The following BEND6 variants were observed in gnomAD, a reference collection of about 807,000 sequenced individuals.
BEND6 encodes BEN domain containing 6.
A neutral mutation model predicts 31.8 loss-of-function variants in BEND6; 24 were observed. That is an observed-to-expected ratio of 0.75 (90% CI 0.55 to 1.06). The LOEUF (loss-of-function observed/expected upper bound fraction) is 1.06. Ranked by LOEUF, BEND6 falls within the 50% of genes least tolerant of loss-of-function variation. BEND6 has a pLI of 0.00. For missense variants in BEND6, 294 were observed against 327.4 expected, an observed-to-expected ratio of 0.90 and a Z score of 0.79; for synonymous variants, 109 against 114.6, an observed-to-expected ratio of 0.95 and a Z score of 0.31.
chr6:56,965,962 G>A (rs1825464391), intron 1 of BEND6, among the ~76,000 whole-genome samples: 1 of 152,062 alleles, frequency 6.6e-6, no homozygotes, highest in South Asian at 2.1e-4. Context: ...CTTTCAAGAT[G>A]AATAGAAAGT....
At chr6:56,970,424 C>G (rs1562536958) in intron 1 of BEND6, among the ~76,000 whole-genome samples, 1 of 152,156 alleles carries the variant, frequency 6.6e-6, no homozygotes, top group Non-Finnish European at 1.5e-5. Flanking sequence ...ATCTGCCAAC[C>G]TTGGCCTCCC....
intron 1 of BEND6, among the ~76,000 whole-genome samples, chr6:56,959,154 T>G (rs970483450): frequency 1.3e-5 from 2 of 152,118 alleles, no homozygotes; most frequent in African/African-American, 4.8e-5. Flanking sequence ...ATTTAGCAAT[T>G]TTGAGTCCCC....
intron 1 of BEND6, among the ~76,000 whole-genome samples, chr6:56,974,798 C>T (rs898490007): frequency 1.1e-4 from 16 of 152,164 alleles, no homozygotes; most frequent in African/African-American, 3.6e-4. Context: ...ATACATATCT[C>T]AAGTAATCTA....
At chr6:57,003,708 C>T (rs753005019) in intron 3 of BEND6, among the ~76,000 whole-genome samples, 2 of 152,186 alleles carry the variant, frequency 1.3e-5, no homozygotes, top group Non-Finnish European at 2.9e-5. Context: ...GATACCAAAA[C>T]TTTGCAAAGA....
chr6:56,996,043 T>C (rs1191310417), intron 3 of BEND6, among the ~76,000 whole-genome samples: 1 of 152,230 alleles, frequency 6.6e-6, no homozygotes. Context: ...AGCTGATTCA[T>C]TGTCTCATCC....
chr6:57,020,831 T>C (rs536771226), intron 6 of BEND6, among the ~76,000 whole-genome samples: 5 of 141,716 alleles, frequency 3.5e-5, no homozygotes, highest in Non-Finnish European at 7.6e-5. Context: ...TCCTAAACTC[T>C]TGTTTTTTTT....
chr6:57,020,276 T>C (rs559300263), intron 6 of BEND6, among the ~76,000 whole-genome samples: 1 of 148,646 alleles, frequency 6.7e-6, no homozygotes, highest in Admixed American at 6.6e-5. Flanking sequence ...CCAAGTTCTC[T>C]ATTTTTTTTT....
intron 2 of BEND6, among the ~76,000 whole-genome samples, chr6:56,989,649 G>T (rs1034568198): frequency 2.0e-5 from 3 of 152,128 alleles, no homozygotes; most frequent in African/African-American, 7.2e-5. Flanking sequence ...TGCCCCAAAT[G>T]ATGTCTTTTT....
At chr6:56,991,426 G>A (rs541033389) in intron 2 of BEND6, among the ~76,000 whole-genome samples, 1 of 151,974 alleles carries the variant, frequency 6.6e-6, no homozygotes, top group African/African-American at 2.4e-5. Flanking sequence ...CCAGGGTGGA[G>A]CGCAGTGGTA....
chr6:56,995,428 C>T (rs779789028), intron 3 of BEND6, among the ~76,000 whole-genome samples: 8 of 152,134 alleles, frequency 5.3e-5, no homozygotes, highest in Non-Finnish European at 8.8e-5. Flanking sequence ...CAGTCATCTC[C>T]ATGTATTAGC....
rs1826082132 is a variant in BEND6 at position 56,981,833 on chromosome 6, A to G, written c.23A>G (p.Asp8Gly). Residue 8 changes from aspartate (D) to glycine (G), a missense_variant, in exon 2 of 7, where the codon GAT (aspartate) becomes GGT (glycine). Asp to Gly is a moderately conservative substitution (Grantham distance 94). Coordinates refer to ENST00000370746, the MANE Select transcript of BEND6 (RefSeq NM_152731.3). MQKIVQT[D>G]EITNTQAFRK... ...AAAATGCAGAAGATCGTGCAGACAG[A>G]TGAAATTACCAATACACAAGCTTTT... is the stretch of plus-strand genomic sequence containing the variant. 1 of 1,612,694 alleles carries G rather than the reference A, an allele frequency of 6.2e-7. No individual in the cohort carries two copies. The highest frequency in any genetic ancestry group is 1.3e-5 in the African/African-American group (1 of 74,858).
At chr6:57,004,658 T>A in intron 3 of BEND6, 1 of 1,328,902 alleles carries the variant, frequency 7.5e-7, no homozygotes, top group Non-Finnish European at 1.1e-6. Context: ...GAGTGGGCAT[T>A]ACATTTGGAA....
chr6:57,011,485 C>G (rs1158072778), intron 3 of BEND6, among the ~76,000 whole-genome samples: 2 of 151,690 alleles, frequency 1.3e-5, no homozygotes, highest in Non-Finnish European at 2.9e-5. Context: ...AATCCCAGCG[C>G]TTTGGGAGGA....
At chr6:56,981,232 C>A (rs1826055550) in intron 1 of BEND6, among the ~76,000 whole-genome samples, 2 of 152,124 alleles carry the variant, frequency 1.3e-5, no homozygotes, top group Non-Finnish European at 2.9e-5. Context: ...CAAGGAAAAT[C>A]TTGCATTTCA....
chr6:56,986,851 T>C (rs562849441), intron 2 of BEND6, among the ~76,000 whole-genome samples: 2 of 152,224 alleles, frequency 1.3e-5, no homozygotes, highest in South Asian at 4.1e-4. Flanking sequence ...TACAGGTCCA[T>C]TGGGGATTCT....
At chr6:56,981,419 A>C (rs1471102149) in intron 1 of BEND6, among the ~76,000 whole-genome samples, 2 of 152,194 alleles carry the variant, frequency 1.3e-5, no homozygotes, top group Non-Finnish European at 2.9e-5. Flanking sequence ...CTAGTTTCGT[A>C]GACTCCTCAT....
intron 1 of BEND6, among the ~76,000 whole-genome samples, chr6:56,959,958 T>C (rs1459163937): frequency 6.6e-6 from 1 of 152,184 alleles, no homozygotes; most frequent in Non-Finnish European, 1.5e-5. Flanking sequence ...TTTGGGTGTG[T>C]GAGCATTACA....
chr6:56,979,957 A>G (rs1401059268), intron 1 of BEND6, among the ~76,000 whole-genome samples: 1 of 152,190 alleles, frequency 6.6e-6, no homozygotes, highest in African/African-American at 2.4e-5. Context: ...AACTTCCTAG[A>G]GAATGTCATG....
chr6:56,964,411 GACTGTTCTA>G (rs1217020793), intron 1 of BEND6, among the ~76,000 whole-genome samples: 14 of 152,112 alleles, frequency 9.2e-5, no homozygotes, highest in African/African-American at 3.1e-4. Flanking sequence ...GTGTCCTGCT[GACTGTTCTA>G]ACAACTTCTC....
Sources: allele counts gnomAD v4.1 joint callset (sites outside exome capture counted in the v4.1 genomes callset), GRCh38; gene constraint gnomAD v4.1.1; transcripts MANE v1.5; gene names NCBI Gene and HGNC (gene_info 2026-07-23, HGNC 2026-07-21).